PDZRN4: variants seen among roughly 807,000 people sequenced by gnomAD.
PDZRN4 encodes PDZ domain-containing RING finger protein 4.
In PDZRN4, 70 loss-of-function variants were observed where a neutral mutation model predicts 99.0. The observed-to-expected ratio is 0.71, with a 90% CI of 0.58 to 0.86. The LOEUF (loss-of-function observed/expected upper bound fraction) is 0.86. PDZRN4 is among the 40% of genes least tolerant of loss of function. The pLI is 0.00. For synonymous variants in PDZRN4, 551 were observed against 501.6 expected, an observed-to-expected ratio of 1.10 and a Z score of -1.32; for missense variants, 1,474 against 1,331.2, an observed-to-expected ratio of 1.11 and a Z score of -1.67.
intron 4 of PDZRN4, among the ~76,000 whole-genome samples, chr12:41,508,711 G>A (rs1458173): frequency 2.6e-4 from 40 of 152,194 alleles, no homozygotes; most frequent in African/African-American, 8.7e-4. Flanking sequence ...TACCATTTTG[G>A]CCTACACTAG....
intron 3 of PDZRN4, among the ~76,000 whole-genome samples, chr12:41,217,246 T>C (rs11180331): frequency 0.096 from 14,547 of 152,116 alleles, 804 homozygotes; most frequent in Non-Finnish European, 0.13. Flanking sequence ...TTTGTCTTTG[T>C]TTGAAATCTC....
intron 3 of PDZRN4, among the ~76,000 whole-genome samples, chr12:41,294,099 T>G (rs1951474284): frequency 6.6e-6 from 1 of 152,178 alleles, no homozygotes; most frequent in Non-Finnish European, 1.5e-5. Context: ...AGTTTGTTTG[T>G]TTGTATCACA....
intron 2 of PDZRN4, among the ~76,000 whole-genome samples, chr12:41,193,756 C>T (rs1001011539): frequency 2.6e-5 from 4 of 152,130 alleles, no homozygotes; most frequent in South Asian, 2.1e-4. Flanking sequence ...TGCTGTCTCT[C>T]TTTAGAAGTG....
chr12:41,430,747 A>G (rs1952580285), intron 3 of PDZRN4, among the ~76,000 whole-genome samples: 1 of 152,234 alleles, frequency 6.6e-6, no homozygotes, highest in Non-Finnish European at 1.5e-5. Context: ...TGTAAAGATA[A>G]ATCATGTATT....
chr12:41,198,999 A>T (rs1027474400), intron 3 of PDZRN4, among the ~76,000 whole-genome samples: 1 of 152,166 alleles, frequency 6.6e-6, no homozygotes, highest in African/African-American at 2.4e-5. Context: ...TTATTTAGCT[A>T]ACACTCTGCA....
chr12:41,364,195 T>C (rs1050558062), intron 3 of PDZRN4, among the ~76,000 whole-genome samples: 2 of 152,072 alleles, frequency 1.3e-5, no homozygotes, highest in Admixed American at 1.3e-4. Flanking sequence ...CTAAATGAAA[T>C]GTGTCATTAT....
At chr12:41,422,470 A>C (rs749354002) in intron 3 of PDZRN4, among the ~76,000 whole-genome samples, 2 of 152,142 alleles carry the variant, frequency 1.3e-5, no homozygotes, top group Admixed American at 6.6e-5. Context: ...GAGACTGGGT[A>C]ATTTATGAAG....
At chr12:41,421,109 A>T (rs959995833) in intron 3 of PDZRN4, among the ~76,000 whole-genome samples, 1 of 152,162 alleles carries the variant, frequency 6.6e-6, no homozygotes, top group Non-Finnish European at 1.5e-5. Flanking sequence ...TTTATTGCAT[A>T]TACCTCTTTT....
At chr12:41,503,262 T>C (rs998887950) in intron 3 of PDZRN4, among the ~76,000 whole-genome samples, 4 of 152,156 alleles carry the variant, frequency 2.6e-5, no homozygotes, top group African/African-American at 9.6e-5. Context: ...AGCTGCATGA[T>C]AACTGGAAGA....
At chr12:41,468,979 A>G (rs1381829710) in intron 3 of PDZRN4, among the ~76,000 whole-genome samples, 2 of 150,964 alleles carry the variant, frequency 1.3e-5, no homozygotes, top group Non-Finnish European at 2.9e-5. Context: ...ACTTCACTCT[A>G]GCCTGGGCGA....
At chr12:41,218,281 G>T (rs773538807) in intron 3 of PDZRN4, among the ~76,000 whole-genome samples, 1 of 151,968 alleles carries the variant, frequency 6.6e-6, no homozygotes, top group Non-Finnish European at 1.5e-5. Context: ...TTGTCCCTTG[G>T]TCAGGGGAAG....
intron 3 of PDZRN4, among the ~76,000 whole-genome samples, chr12:41,393,191 T>C (rs1952221900): frequency 1.3e-5 from 2 of 152,218 alleles, no homozygotes; most frequent in African/African-American, 4.8e-5. Context: ...TTTCCTCTTT[T>C]TAAATCATGC....
intron 3 of PDZRN4, among the ~76,000 whole-genome samples, chr12:41,403,426 T>G (rs565663502): frequency 2.6e-5 from 4 of 152,290 alleles, no homozygotes; most frequent in Non-Finnish European, 5.9e-5. Flanking sequence ...TATAAGCTAT[T>G]TCCATCGGGA....
At chr12:41,292,934 C>T (rs904668647) in intron 3 of PDZRN4, among the ~76,000 whole-genome samples, 43 of 151,798 alleles carry the variant, frequency 2.8e-4, no homozygotes, top group African/African-American at 1.0e-3. Context: ...TCAGGCAGCT[C>T]TCTTAGGAGG....
intron 3 of PDZRN4, among the ~76,000 whole-genome samples, chr12:41,306,624 A>G (rs1951571736): frequency 6.6e-6 from 1 of 152,168 alleles, no homozygotes; most frequent in Admixed American, 6.5e-5. Flanking sequence ...TTTTTGCAAT[A>G]CAGATAGGCC....
At chr12:41,289,488 G>C (rs1167914023) in intron 3 of PDZRN4, among the ~76,000 whole-genome samples, 2 of 152,138 alleles carry the variant, frequency 1.3e-5, no homozygotes, top group Non-Finnish European at 2.9e-5. Flanking sequence ...TCATGTCCCT[G>C]AAATATAAAT....
chr12:41,217,232 C>A (rs552964872), intron 3 of PDZRN4, among the ~76,000 whole-genome samples: 1 of 152,014 alleles, frequency 6.6e-6, no homozygotes, highest in Non-Finnish European at 1.5e-5. Flanking sequence ...ACTCAATGAA[C>A]CATTTTGTCT....
At chr12:41,461,869 T>C (rs1348965592) in intron 3 of PDZRN4, among the ~76,000 whole-genome samples, 1 of 152,112 alleles carries the variant, frequency 6.6e-6, no homozygotes, top group Non-Finnish European at 1.5e-5. Context: ...CTTTCTCCTC[T>C]AGAACAAAAC....
At chr12:41,361,741 G>A (rs899129815) in intron 3 of PDZRN4, among the ~76,000 whole-genome samples, 2 of 152,002 alleles carry the variant, frequency 1.3e-5, no homozygotes, top group African/African-American at 4.8e-5. Flanking sequence ...CCTTGATTTA[G>A]TACCTTTAAT....
Sources: gnomAD v4.1 joint callset for allele counts (sites outside exome capture counted in the v4.1 genomes callset) on GRCh38, gnomAD v4.1.1 for gene constraint, MANE v1.5 for transcripts, NCBI Gene and HGNC (gene_info 2026-07-23, HGNC 2026-07-21) for gene names.